The following ADCY8 variants were observed in gnomAD, a reference collection of about 807,000 sequenced individuals.
ADCY8 encodes adenylate cyclase 8.
ADCY8 carries 51 observed loss-of-function variants against 119.7 expected under a neutral mutation model. That is an observed-to-expected ratio of 0.43 (90% confidence interval 0.34 to 0.54). The LOEUF (loss-of-function observed/expected upper bound fraction) is 0.54, where lower values mean the gene tolerates loss of function less well. ADCY8 is among the 20% of genes least tolerant of loss of function. ADCY8 has a pLI of 0.03. For synonymous variants in ADCY8, 665 were observed against 651.0 expected (o/e 1.02, Z -0.33); for missense variants, 1,383 against 1,598.8 (o/e 0.87, Z 2.30).
intron 1 of ADCY8, among the ~76,000 whole-genome samples, chr8:131,012,368 T>C (rs958619616): frequency 2.6e-5 from 4 of 152,120 alleles, no homozygotes; most frequent in Admixed American, 2.6e-4. Context: ...TCTAGAATAA[T>C]GTACATCGGT....
intron 1 of ADCY8, among the ~76,000 whole-genome samples, chr8:130,991,895 G>A (rs1822590209): frequency 6.6e-6 from 1 of 151,678 alleles, no homozygotes; most frequent in African/African-American, 2.4e-5. Context: ...AATAAGAAAA[G>A]AAATAGAAAC....
intron 12 of ADCY8, among the ~76,000 whole-genome samples, chr8:130,826,690 G>C (rs1297497373): frequency 1.3e-5 from 2 of 148,506 alleles, no homozygotes; most frequent in East Asian, 4.1e-4. Context: ...AGACCTCTGA[G>C]AAGCCCCTAC....
chr8:130,939,865 G>T (rs779031404), intron 4 of ADCY8, among the ~76,000 whole-genome samples: 4 of 152,128 alleles, frequency 2.6e-5, no homozygotes, highest in African/African-American at 9.7e-5. Context: ...ACATGGCAGA[G>T]CAGGTAAAGT....
At chr8:130,996,940 G>C (rs1332466441) in intron 1 of ADCY8, among the ~76,000 whole-genome samples, 1 of 152,094 alleles carries the variant, frequency 6.6e-6, no homozygotes, top group Admixed American at 6.5e-5. Flanking sequence ...CTAGAAATCT[G>C]TCTTTAGGAG....
In ADCY8 at chr8:130,907,638, G is replaced by A. The variant is rs1004178799; in HGVS notation, c.1640+2070C>T. Among the ~76,000 whole-genome samples the A allele has an allele frequency of 6.6e-5, 10 of 152,250 alleles. No homozygotes were observed. In the East Asian group the frequency reaches 9.7e-4, roughly 15 times the overall value. On this transcript the variant is annotated intron_variant, in intron 6 of 17. Coordinates refer to ENST00000286355, the MANE Select transcript of ADCY8 (RefSeq NM_001115.3). ...CATAACTGGTAAGTAGTAAACCCAC[G>A]GTTCAGACTCATGACTCATGATATG...
intron 5 of ADCY8, among the ~76,000 whole-genome samples, chr8:130,916,603 CA>C (rs1820136807): frequency 6.6e-6 from 1 of 152,202 alleles, no homozygotes; most frequent in Non-Finnish European, 1.5e-5. Context: ...CCATAACGCA[CA>C]AGCTGGAAGA....
At chr8:130,936,739 C>A (rs967914467) in intron 5 of ADCY8, among the ~76,000 whole-genome samples, 2 of 152,114 alleles carry the variant, frequency 1.3e-5, no homozygotes, top group Admixed American at 1.3e-4. Flanking sequence ...ATTTTTTATT[C>A]ATTCATTCAT....
chr8:130,977,154 T>A (rs1408584506), intron 2 of ADCY8, among the ~76,000 whole-genome samples: 2 of 152,178 alleles, frequency 1.3e-5, no homozygotes, highest in Non-Finnish European at 2.9e-5. Flanking sequence ...CCGGGTCGGG[T>A]GTGAGCGCAT....
intron 1 of ADCY8, among the ~76,000 whole-genome samples, chr8:131,039,046 C>T (rs1411331953): frequency 1.3e-5 from 2 of 152,212 alleles, no homozygotes; most frequent in East Asian, 1.9e-4. Flanking sequence ...TTCTCCTCCC[C>T]TTCTGTCTCC....
At chr8:130,948,710 G>A (rs1013729709) in intron 3 of ADCY8, among the ~76,000 whole-genome samples, 1 of 151,202 alleles carries the variant, frequency 6.6e-6, no homozygotes, top group Admixed American at 6.6e-5. Flanking sequence ...ACCATGAAGA[G>A]GGTGACGGGC....
intron 3 of ADCY8, among the ~76,000 whole-genome samples, chr8:130,948,930 G>A (rs1055363094): frequency 6.6e-6 from 1 of 152,056 alleles, no homozygotes; most frequent in African/African-American, 2.4e-5. Context: ...TCATCTTCCC[G>A]AAACCCCCGG....
intron 8 of ADCY8, among the ~76,000 whole-genome samples, chr8:130,869,674 C>T (rs1243856415): frequency 1.1e-4 from 16 of 151,420 alleles, no homozygotes; most frequent in African/African-American, 3.2e-4. Flanking sequence ...CCTGCCACCA[C>T]GCCTGGCTAT....
At chr8:131,001,583 T>A (rs928963705) in intron 1 of ADCY8, among the ~76,000 whole-genome samples, 1 of 148,034 alleles carries the variant, frequency 6.8e-6, no homozygotes, top group Non-Finnish European at 1.5e-5. Context: ...ATTATATATA[T>A]CTAATATATA....
chr8:130,854,187 C>T (rs1366365461), intron 9 of ADCY8, among the ~76,000 whole-genome samples: 1 of 152,184 alleles, frequency 6.6e-6, no homozygotes, highest in South Asian at 2.1e-4. Flanking sequence ...TACATTTTAT[C>T]TAATTATAGA....
chr8:130,881,114 G>C (rs531847995), intron 8 of ADCY8, among the ~76,000 whole-genome samples: 2 of 152,158 alleles, frequency 1.3e-5, no homozygotes, highest in African/African-American at 2.4e-5. Flanking sequence ...CCACTAAAAA[G>C]AGTCAGATCA....
At chr8:131,007,056 C>T (rs185108073) in intron 1 of ADCY8, among the ~76,000 whole-genome samples, 375 of 131,468 alleles carry the variant, frequency 2.9e-3, no homozygotes, top group African/African-American at 0.011. Context: ...ACAGTAGGCA[C>T]ACAATAATGA....
At chr8:130,829,079 G>A (rs919225436) in intron 12 of ADCY8, among the ~76,000 whole-genome samples, 15 of 152,174 alleles carry the variant, frequency 9.9e-5, no homozygotes, top group Admixed American at 6.5e-4. Context: ...ATGGGTGAGC[G>A]TGACAAATCC....
chr8:130,908,689 A>C (rs2130546531), intron 6 of ADCY8, among the ~76,000 whole-genome samples: 1 of 152,324 alleles, frequency 6.6e-6, no homozygotes, highest in Middle Eastern at 3.4e-3. Context: ...AGTTGGACTC[A>C]GAAGTTAAGC....
Position 130,974,116 on chromosome 8 carries a change from A to C in ADCY8, c.1110+16277T>G, listed in dbSNP as rs190435553. On this transcript the variant is annotated intron_variant, in intron 2 of 17. Coordinates refer to ENST00000286355, the MANE Select transcript of ADCY8 (RefSeq NM_001115.3). ...GAGTAGACTAGCAACCTATCCAACA[A>C]AGCACCCTTCGTTTGTGTGGCCCAT... 6.6e-5 allele frequency among the ~76,000 whole-genome samples: 10 copies of C among 152,242 alleles called. No homozygotes were observed. The East Asian group carries it at 1.9e-3, about 29-fold the overall frequency.
Sources: allele counts gnomAD v4.1 joint callset (sites outside exome capture counted in the v4.1 genomes callset), GRCh38; gene constraint gnomAD v4.1.1; transcripts MANE v1.5; gene names NCBI Gene and HGNC (gene_info 2026-07-23, HGNC 2026-07-21).